The following EXD3 variants were observed in gnomAD, a reference collection of about 807,000 sequenced individuals.
EXD3 encodes the protein exonuclease 3'-5' domain containing 3.
A neutral mutation model predicts 98.0 loss-of-function variants in EXD3; 92 were observed. The observed-to-expected ratio is 0.94, with a 90% CI of 0.79 to 1.12. The LOEUF (loss-of-function observed/expected upper bound fraction) is 1.12, where lower values mean the gene tolerates loss of function less well. Among genes scored for constraint, EXD3 ranks in the 50% most tolerant of loss-of-function variants. The pLI is 0.00. For synonymous variants in EXD3, 569 were observed against 526.0 expected, an observed-to-expected ratio of 1.08 and a Z score of -1.12; for missense variants, 1,222 against 1,191.6, an observed-to-expected ratio of 1.03 and a Z score of -0.38.
rs1831109189 is a variant in EXD3 at position 137,307,518 on chromosome 9, C to A, written c.2317+90G>T. ...GCCCCACAGAGCCCCCTCTGCCCGG[C>A]CGGGACCCAAGTCCCCCATTCTGGG... On this transcript the variant is annotated intron_variant, in intron 21 of 21. Coordinates refer to ENST00000340951, the MANE Select transcript of EXD3 (RefSeq NM_017820.5). 10 of 1,517,184 alleles carry A rather than the reference C, an allele frequency of 6.6e-6. No homozygotes were observed. The Admixed American group carries it at 1.7e-4, about 26-fold the overall frequency. 94.0% of individuals were successfully genotyped at this position (1,517,184 alleles called of 1,614,324 possible).
At chr9:137,339,026 G>GACAATCTATA (rs1564489728) in intron 17 of EXD3, among the ~76,000 whole-genome samples, 1 of 152,008 alleles carries the variant, frequency 6.6e-6, no homozygotes, top group African/African-American at 2.4e-5. Context: ...AGCGGACACC[G>GACAATCTATA]ACAATCTATA....
chr9:137,332,255 C>G (rs570343735), intron 17 of EXD3, among the ~76,000 whole-genome samples: 1 of 150,722 alleles, frequency 6.6e-6, no homozygotes, highest in African/African-American at 2.5e-5. Context: ...TCTGTATGAA[C>G]CAAAAAAGAG....
intron 10 of EXD3, 126 bp downstream of exon 10, chr9:137,354,213 T>A: frequency 6.7e-7 from 1 of 1,483,152 alleles, no homozygotes; most frequent in African/African-American, 1.4e-5. Context: ...CAACATGGGG[T>A]CTGGGCTCAG....
At chr9:137,397,948 A>G (rs2131778329) in intron 1 of EXD3, among the ~76,000 whole-genome samples, 1 of 147,726 alleles carries the variant, frequency 6.8e-6, no homozygotes, top group East Asian at 1.9e-4. Context: ...GTCTCAAGAA[A>G]ACCCCAAAAA....
intron 1 of EXD3, among the ~76,000 whole-genome samples, chr9:137,409,972 C>T (rs890497416): frequency 6.6e-5 from 10 of 151,964 alleles, no homozygotes; most frequent in African/African-American, 1.7e-4. Flanking sequence ...GTCAGTAGTT[C>T]GAGACCAGCC....
intron 3 of EXD3, among the ~76,000 whole-genome samples, chr9:137,382,093 G>GGCGGAGGAGGTGAGGGCGC (rs1836325811): frequency 9.2e-6 from 1 of 109,084 alleles, no homozygotes; most frequent in African/African-American, 4.4e-5. Context: ...AGGTCAGGGC[G>GGCGGAGGAGGTGAGGGCGC]GCGGTGGAGG....
chr9:137,381,738 A>G (rs1379815748), intron 3 of EXD3, among the ~76,000 whole-genome samples: 1 of 152,068 alleles, frequency 6.6e-6, no homozygotes, highest in African/African-American at 2.4e-5. Context: ...CTCTGGGGGC[A>G]CCCGGCGTCT....
At position 137,405,450 on chromosome 9, in the gene EXD3, C is replaced by T. The variant is rs1035674653; in HGVS notation, c.-47-10046G>A. On this transcript the variant is annotated intron_variant, in intron 1 of 21. Coordinates refer to ENST00000340951, the MANE Select transcript of EXD3 (RefSeq NM_017820.5). The surrounding 1 kb of genome is among the most constrained non-coding windows in gnomAD (Gnocchi z 4.1). ...GCCCAAGGATTTGCAGAGCCGCGGA[C>T]GGAGCCCAGGGCGGCCGTCGCAGGC... Among the ~76,000 whole-genome samples the T allele has an allele frequency of 7.9e-5, 12 of 152,216 alleles. No individual in the cohort carries two copies. Among genetic ancestry groups the T allele is most frequent in the African/African-American group, 2.7e-4 (11 of 41,452 alleles).
intron 17 of EXD3, among the ~76,000 whole-genome samples, chr9:137,332,581 C>G (rs146069923): frequency 1.3e-5 from 2 of 150,804 alleles, no homozygotes; most frequent in East Asian, 1.9e-4. Context: ...CAGTGGCTCA[C>G]GCCTGTAATC....
Position 137,398,716 on chromosome 9 carries a change from C to T in EXD3, c.-47-3312G>A, listed in dbSNP as rs1325914293. On this transcript the variant is annotated intron_variant, in intron 1 of 21. Transcript: ENST00000340951. The stretch of plus-strand genomic sequence containing the variant: ...CACGTCCCCGTGACACACGTGCACC[C>T]GCATCCCCAAGACACACAGGCACCC... Among the ~76,000 whole-genome samples the T allele has an allele frequency of 8.5e-4, 93 of 108,828 alleles. 1 individual carries two copies. The highest frequency in any genetic ancestry group is 2.7e-3 in the African/African-American group (86 of 31,918). 71.4% of individuals were successfully genotyped at this position (108,828 alleles called of 152,430 possible). A position where few individuals can be genotyped will look rare whatever the true frequency, so the allele number is the denominator to read the frequency against.
intron 1 of EXD3, among the ~76,000 whole-genome samples, chr9:137,406,063 A>G (rs941768051): frequency 1.3e-5 from 2 of 152,068 alleles, no homozygotes; most frequent in African/African-American, 4.8e-5. Context: ...TATGAAAAAA[A>G]AAATCAGCTG....
intron 12 of EXD3, 83 bp downstream of exon 12, chr9:137,351,983 G>C (rs1368366426): frequency 6.7e-7 from 1 of 1,497,012 alleles, no homozygotes; most frequent in African/African-American, 1.4e-5. Context: ...GCCTCTCTCC[G>C]AATGCCATGC....
chr9:137,348,528 T>G (rs1171242586), intron 16 of EXD3, among the ~76,000 whole-genome samples: 47 of 9,162 alleles, frequency 5.1e-3, no homozygotes, highest in African/African-American at 5.2e-3. Flanking sequence ...TAGAGAGGGG[T>G]GGGGATCACA....
intron 17 of EXD3, among the ~76,000 whole-genome samples, chr9:137,331,193 A>T (rs1460988208): frequency 6.6e-6 from 1 of 152,228 alleles, no homozygotes; most frequent in Admixed American, 6.5e-5. Flanking sequence ...AGCACTTGAC[A>T]AAATCTAGCA....
At position 137,349,193 on chromosome 9, in the gene EXD3, G is replaced by A. The variant is rs1018755482; in HGVS notation, c.1747C>T (p.Arg583Trp). 4.4e-6 allele frequency: 7 copies of A among 1,587,198 alleles called. No individual in the cohort carries two copies. Among genetic ancestry groups the A allele is most frequent in the Admixed American group, 3.5e-5 (2 of 57,058 alleles). The change falls in exon 16 of 22, where the codon CGG becomes TGG. Residue 583 changes from arginine (R) to tryptophan (W), a missense_variant. Coordinates refer to ENST00000340951, the MANE Select transcript of EXD3 (RefSeq NM_017820.5). The surrounding 1 kb of genome is among the most constrained non-coding windows in gnomAD (Gnocchi z 7.4). Reference sequence around the variant, plus strand: ...GGTCTCTCTCTGTGCCTGGGCCTCCGGCTCCCAGCCAGGTCCTCCGACAGG... The same window carrying A: ...GGTCTCTCTCTGTGCCTGGGCCTCCAGCTCCCAGCCAGGTCCTCCGACAGG... ...FHLSEDLAGS[R>W]RPRHRERPGA...
intron 17 of EXD3, among the ~76,000 whole-genome samples, chr9:137,338,705 T>C (rs1216074352): frequency 7.1e-6 from 1 of 141,574 alleles, no homozygotes; most frequent in Non-Finnish European, 1.5e-5. Flanking sequence ...GCTAACATGG[T>C]GAAACCCCGT....
intron 19 of EXD3, among the ~76,000 whole-genome samples, chr9:137,310,582 T>TG (rs1831306599): frequency 6.6e-6 from 1 of 151,566 alleles, no homozygotes; most frequent in Non-Finnish European, 1.5e-5. Context: ...ATGCTGGGGG[T>TG]GGGGGCAGGG....
At chr9:137,323,618 C>G (rs1170556458) in intron 19 of EXD3, 107 bp downstream of exon 19, 1 of 1,467,068 alleles carries the variant, frequency 6.8e-7, no homozygotes, top group Non-Finnish European at 9.2e-7. Context: ...CTGCCGACAC[C>G]CCACCCCAGA....
chr9:137,311,918 G>T (rs143646077), intron 19 of EXD3, among the ~76,000 whole-genome samples: 1 of 152,148 alleles, frequency 6.6e-6, no homozygotes, highest in Non-Finnish European at 1.5e-5. Context: ...GACAGCGATC[G>T]TCCACCTGAG....
Sources: gnomAD v4.1 joint callset for allele counts (sites outside exome capture counted in the v4.1 genomes callset) on GRCh38, gnomAD v4.1.1 for gene constraint, Gnocchi (gnomAD v3.1) non-coding constraint, MANE v1.5 for transcripts, NCBI Gene and HGNC (gene_info 2026-07-23, HGNC 2026-07-21) for gene names.